The following MTUS2 variants were observed in gnomAD, a reference collection of about 807,000 sequenced individuals.
MTUS2 encodes the protein microtubule-associated tumor suppressor candidate 2.
In MTUS2, 40 loss-of-function variants were observed where a neutral mutation model predicts 114.1. That is an observed-to-expected ratio of 0.35 (90% CI 0.27 to 0.46). The LOEUF (loss-of-function observed/expected upper bound fraction) is 0.46. MTUS2 is among the 20% of genes least tolerant of loss of function. The pLI is 1.00. For missense variants in MTUS2, 1,679 were observed against 1,705.4 expected (o/e 0.98, Z 0.27); for synonymous variants, 688 against 672.0 (o/e 1.02, Z -0.37).
chr13:28,977,863 T>C (rs957148131), intron 2 of MTUS2, among the ~76,000 whole-genome samples: 1 of 152,206 alleles, frequency 6.6e-6, no homozygotes, highest in African/African-American at 2.4e-5. Flanking sequence ...TGTTTAATGT[T>C]TTCAGTTTTG....
At chr13:29,062,463 C>T (rs1034712385) in intron 4 of MTUS2, among the ~76,000 whole-genome samples, 4 of 152,176 alleles carry the variant, frequency 2.6e-5, no homozygotes, top group African/African-American at 9.7e-5. Context: ...TAAGTACCAT[C>T]ACACTGGCAA....
chr13:29,071,182 A>G lies in MTUS2; in HGVS notation c.2447-29591A>G, dbSNP rs79449500. Reference sequence around the variant, plus strand: ...ACTATGCCTGGCTAATTTTTTTTTTAGTAGAGATGGGGTTTCACCATGTTG... The same window carrying G: ...ACTATGCCTGGCTAATTTTTTTTTTGGTAGAGATGGGGTTTCACCATGTTG... On this transcript the variant is annotated intron_variant, in intron 4 of 15. Transcript: ENST00000612955. 2.0e-5 allele frequency among the ~76,000 whole-genome samples: 3 copies of G among 148,986 alleles called. No homozygotes were observed. In the East Asian group the frequency reaches 6.0e-4, roughly 30 times the overall value.
At chr13:29,343,270 G>A (rs1901493829) in intron 7 of MTUS2, among the ~76,000 whole-genome samples, 1 of 151,992 alleles carries the variant, frequency 6.6e-6, no homozygotes, top group Non-Finnish European at 1.5e-5. Context: ...ATTCAACTGG[G>A]AACTCATCTG....
intron 5 of MTUS2, among the ~76,000 whole-genome samples, chr13:29,278,805 C>T (rs1370909724): frequency 3.3e-5 from 5 of 152,126 alleles, no homozygotes; most frequent in African/African-American, 9.7e-5. Context: ...TGTCTGAAAT[C>T]GTTTATCATA....
At position 28,907,664 on chromosome 13, in the gene MTUS2, A is replaced by G. The variant is rs183613121; in HGVS notation, c.-243+67814A>G. On this transcript the variant is annotated intron_variant, in intron 2 of 15. Coordinates refer to ENST00000612955, the MANE Select transcript of MTUS2 (RefSeq NM_001033602.4). ...ATCAAAAGAGACAAAGAAGGCCATT[A>G]CATAATGGTAAAGGGATCAATTCAA... Among the ~76,000 whole-genome samples the G allele has an allele frequency of 2.0e-4, 31 of 151,740 alleles. No homozygotes were observed. The East Asian group carries it at 6.0e-3, about 29-fold the overall frequency.
chr13:29,284,516 T>TA (rs1285970896), intron 6 of MTUS2, among the ~76,000 whole-genome samples: 1 of 152,152 alleles, frequency 6.6e-6, no homozygotes, highest in Non-Finnish European at 1.5e-5. Flanking sequence ...TAAAATTACA[T>TA]AGACATTTTA....
intron 10 of MTUS2, among the ~76,000 whole-genome samples, chr13:29,484,616 G>A (rs1251060078): frequency 2.0e-5 from 3 of 152,338 alleles, no homozygotes; most frequent in East Asian, 3.9e-4. Flanking sequence ...GGGCCCCCTC[G>A]TTATCTAAAA....
intron 5 of MTUS2, among the ~76,000 whole-genome samples, chr13:29,125,050 C>T (rs1400324985): frequency 1.3e-5 from 2 of 152,134 alleles, no homozygotes. Flanking sequence ...TACTTAATAC[C>T]ACTGAACTTT....
intron 5 of MTUS2, among the ~76,000 whole-genome samples, chr13:29,252,651 A>G (rs7330575): frequency 0.045 from 6,793 of 152,060 alleles, 484 homozygotes; most frequent in African/African-American, 0.15. Context: ...TATGGGAGGG[A>G]CCCAGTAGGA....
At chr13:28,972,124 G>C (rs1280618605) in intron 2 of MTUS2, among the ~76,000 whole-genome samples, 1 of 152,192 alleles carries the variant, frequency 6.6e-6, no homozygotes, top group Non-Finnish European at 1.5e-5. Context: ...GAAATATTTT[G>C]CGTAGATCAA....
chr13:29,275,487 A>G (rs1264000754), intron 5 of MTUS2, among the ~76,000 whole-genome samples: 1 of 152,138 alleles, frequency 6.6e-6, no homozygotes, highest in Non-Finnish European at 1.5e-5. Flanking sequence ...TTTTGTACCC[A>G]TTAACCATCC....
At chr13:29,356,671 T>G (rs1310250760) in intron 7 of MTUS2, among the ~76,000 whole-genome samples, 1 of 152,226 alleles carries the variant, frequency 6.6e-6, no homozygotes, top group Non-Finnish European at 1.5e-5. Flanking sequence ...GACAAAAGAC[T>G]GCCAGTGACA....
chr13:29,254,977 G>A (rs1290835371), intron 5 of MTUS2, among the ~76,000 whole-genome samples: 4 of 152,120 alleles, frequency 2.6e-5, no homozygotes, highest in African/African-American at 9.7e-5. Flanking sequence ...TTAAAAGCTT[G>A]TTTCTCTGAG....
intron 5 of MTUS2, among the ~76,000 whole-genome samples, chr13:29,230,772 A>G (rs1896292778): frequency 6.6e-6 from 1 of 152,224 alleles, no homozygotes; most frequent in Non-Finnish European, 1.5e-5. Context: ...GACTGATTTC[A>G]GTATAGGAAA....
At chr13:29,257,300 G>A (rs1176159255) in intron 5 of MTUS2, among the ~76,000 whole-genome samples, 1 of 152,180 alleles carries the variant, frequency 6.6e-6, no homozygotes, top group Non-Finnish European at 1.5e-5. Flanking sequence ...CCACCACATG[G>A]GGTGTGGAAA....
At chr13:29,177,511 C>T (rs1437968078) in intron 5 of MTUS2, among the ~76,000 whole-genome samples, 2 of 144,918 alleles carry the variant, frequency 1.4e-5, no homozygotes, top group African/African-American at 5.8e-5. Flanking sequence ...CCAAACTTCC[C>T]TAATTGATCT....
intron 9 of MTUS2, among the ~76,000 whole-genome samples, chr13:29,474,048 T>C (rs559064539): frequency 5.3e-5 from 8 of 152,330 alleles, no homozygotes; most frequent in African/African-American, 1.7e-4. Flanking sequence ...GCTGCTCTTA[T>C]TATCCAATAT....
At chr13:29,055,684 G>T (rs909345888) in intron 4 of MTUS2, among the ~76,000 whole-genome samples, 1 of 152,032 alleles carries the variant, frequency 6.6e-6, no homozygotes, top group African/African-American at 2.4e-5. Flanking sequence ...TATTCCATAT[G>T]TATTCCCTTT....
In MTUS2 at chr13:29,034,093, C is replaced by G. The variant is rs776055439; in HGVS notation, c.2414C>G (p.Thr805Arg). 3 of 1,613,930 alleles carry G rather than the reference C, an allele frequency of 1.9e-6. No individual in the cohort carries two copies. Among genetic ancestry groups the G allele is most frequent in the Non-Finnish European group, 2.5e-6 (3 of 1,179,910 alleles). Residue 805 changes from threonine to arginine, a missense_variant, in exon 4 of 16, where the codon ACA becomes AGA. Physicochemically the swap from Thr to Arg is moderately conservative, Grantham distance 71. Around this residue, in one of 3 missense-constraint regions of MTUS2, gnomAD observed 822 missense variants for 899.7 expected, o/e 0.91. Coordinates refer to ENST00000612955, the MANE Select transcript of MTUS2 (RefSeq NM_001033602.4). ...SAIHPPGPIT[T>R]ATSLYSSDPS... ...ATCCACCCACCAGGACCCATAACAA[C>G]AGCCACCAGTCTCTACAGTTCCGAT...
Sources: allele counts gnomAD v4.1 joint callset (sites outside exome capture counted in the v4.1 genomes callset), GRCh38; gene constraint gnomAD v4.1.1; regional missense constraint gnomAD v4.1.1; transcripts MANE v1.5; gene names NCBI Gene and HGNC (gene_info 2026-07-23, HGNC 2026-07-21).